Variants in COL22A1 observed in about 807,000 individuals in gnomAD.
COL22A1 encodes the protein collagen type XXII alpha 1 chain.
COL22A1 carries 221 observed loss-of-function variants against 248.9 expected under a neutral mutation model. The observed-to-expected ratio is 0.89, with a 90% CI of 0.80 to 0.99. The LOEUF is 0.99. COL22A1 is among the 50% of genes least tolerant of loss of function. COL22A1 has a pLI of 0.00. For missense variants in COL22A1, 2,240 were observed against 2,179.0 expected, an observed-to-expected ratio of 1.03 and a Z score of -0.56; for synonymous variants, 891 against 793.4, an observed-to-expected ratio of 1.12 and a Z score of -2.07.
chr8:138,648,905 CT>C (rs1822443052), intron 46 of COL22A1, among the ~76,000 whole-genome samples: 1 of 152,198 alleles, frequency 6.6e-6, no homozygotes, highest in Non-Finnish European at 1.5e-5. Flanking sequence ...CTGTAATGGA[CT>C]TTATCTGCTT....
At chr8:138,632,599 C>G (rs898640511) in intron 49 of COL22A1, among the ~76,000 whole-genome samples, 1 of 152,130 alleles carries the variant, frequency 6.6e-6, no homozygotes. Context: ...GTACTAGGTA[C>G]AAGCCAAATT....
At chr8:138,680,851 G>A (rs1825905628) in intron 39 of COL22A1, among the ~76,000 whole-genome samples, 1 of 152,212 alleles carries the variant, frequency 6.6e-6, no homozygotes, top group Non-Finnish European at 1.5e-5. Flanking sequence ...CACTGGAATG[G>A]GTCATGTGTT....
intron 14 of COL22A1, among the ~76,000 whole-genome samples, 153 bp from the exon 15 acceptor site, chr8:138,778,559 C>A (rs935546299): frequency 6.6e-6 from 1 of 152,238 alleles, no homozygotes; most frequent in Admixed American, 6.5e-5. Context: ...GTCTCGCCAG[C>A]AGACACTCCC....
chr8:138,898,280 TC>T (rs1342233671), intron 1 of COL22A1, among the ~76,000 whole-genome samples: 1 of 152,166 alleles, frequency 6.6e-6, no homozygotes, highest in African/African-American at 2.4e-5. Context: ...CCTTGCACCA[TC>T]CCAGTATTGT....
intron 47 of COL22A1, among the ~76,000 whole-genome samples, chr8:138,644,884 T>A (rs1169060500): frequency 1.3e-5 from 2 of 152,176 alleles, no homozygotes; most frequent in East Asian, 3.9e-4. Context: ...CTTCCCAGCC[T>A]GTGGGACGGA....
At chr8:138,638,250 T>A (rs995649949) in intron 47 of COL22A1, among the ~76,000 whole-genome samples, 6 of 152,234 alleles carry the variant, frequency 3.9e-5, no homozygotes, top group African/African-American at 1.4e-4. Context: ...AACAAAAACA[T>A]TTCAATTCCT....
intron 52 of COL22A1, among the ~76,000 whole-genome samples, chr8:138,623,306 A>AATG (rs1819977351): frequency 2.1e-5 from 3 of 145,866 alleles, no homozygotes; most frequent in Admixed American, 6.9e-5. Flanking sequence ...GTAATCCCAC[A>AATG]ATGTCTGGAG....
chr8:138,663,560 A>G, intron 42 of COL22A1, 145 bp downstream of exon 42: 1 of 678,192 alleles, frequency 1.5e-6, no homozygotes. Flanking sequence ...GTCAGAGTTC[A>G]TAGGTTGGAC....
At chr8:138,720,919 T>C (rs1336340110) in intron 26 of COL22A1, 127 bp from the exon 27 acceptor site, 1 of 764,134 alleles carries the variant, frequency 1.3e-6, no homozygotes, top group Admixed American at 1.9e-5. Flanking sequence ...CTGCTTCAAC[T>C]CTGCGATTAC....
rs79012533 is a variant in COL22A1, at chr8:138,808,789, T to C, written c.1450-977A>G. On this transcript the variant is annotated intron_variant, in intron 9 of 64. Transcript: ENST00000303045. ...TCCGGAACACACATTTTTAAATGCA[T>C]TCACAGATGTCATTTGCTCAGGCAA... 8.1e-4 allele frequency among the ~76,000 whole-genome samples: 123 copies of C among 152,366 alleles called. 1 individual carries two copies. Among genetic ancestry groups the C allele is most frequent in the Admixed American group, 1.4e-3 (22 of 15,306 alleles).
At chr8:138,755,080 G>A in intron 21 of COL22A1, 77 bp downstream of exon 21, 1 of 1,428,868 alleles carries the variant, frequency 7.0e-7, no homozygotes, top group Non-Finnish European at 9.8e-7. Context: ...TCAGCGCCGG[G>A]AATGACTCTG....
intron 32 of COL22A1, among the ~76,000 whole-genome samples, chr8:138,697,284 T>A (rs796459435): frequency 3.3e-5 from 5 of 152,336 alleles, no homozygotes; most frequent in African/African-American, 1.2e-4. Flanking sequence ...GGACTCATGA[T>A]CATCTCTGCA....
intron 3 of COL22A1, among the ~76,000 whole-genome samples, chr8:138,865,764 T>A (rs532783477): frequency 6.6e-6 from 1 of 151,010 alleles, no homozygotes; most frequent in South Asian, 2.1e-4. Flanking sequence ...TATGTATGTT[T>A]GTATGCCTCT....
intron 61 of COL22A1, among the ~76,000 whole-genome samples, chr8:138,597,787 G>A (rs538287648): frequency 2.6e-5 from 4 of 152,240 alleles, no homozygotes; most frequent in East Asian, 3.9e-4. Context: ...TCTCATCACC[G>A]CCCATAGCAG....
At chr8:138,760,790 C>T (rs1453745693) in intron 17 of COL22A1, among the ~76,000 whole-genome samples, 1 of 152,150 alleles carries the variant, frequency 6.6e-6, no homozygotes, top group African/African-American at 2.4e-5. Flanking sequence ...ATGCTGAAGA[C>T]TTGTCCCTCC....
At chr8:138,771,847 G>A (rs1025739493) in intron 16 of COL22A1, among the ~76,000 whole-genome samples, 6 of 152,188 alleles carry the variant, frequency 3.9e-5, no homozygotes, top group Non-Finnish European at 5.9e-5. Context: ...GCCCCCCGGG[G>A]CCTGCGGAGA....
intron 4 of COL22A1, among the ~76,000 whole-genome samples, chr8:138,837,712 G>C (rs965645375): frequency 6.6e-6 from 1 of 152,186 alleles, no homozygotes; most frequent in African/African-American, 2.4e-5. Flanking sequence ...GCCTCTGAAT[G>C]GGGGAGCTTG....
chr8:138,779,687 G>GCCA, intron 13 of COL22A1, 125 bp from the exon 14 acceptor site: 1 of 662,374 alleles, frequency 1.5e-6, no homozygotes, highest in Non-Finnish European at 2.8e-6. Flanking sequence ...AAACAAGGTA[G>GCCA]CCACCAGTGA....
Position 138,693,685 on chromosome 8 carries a change from C to G in COL22A1, c.2715G>C (p.Gln905His). ...GPTGPPGAKG[Q>H]EGAHGAPGAA... ...CTCCAGGAGCCCCATGTGCACCTTC[C>G]TGTCCCTTGGCACCCTGCACAGGAA... is the stretch of plus-strand genomic sequence containing the variant. The change falls in exon 35 of 65, where the codon CAG (glutamine) becomes CAC (histidine). Residue 905 changes from glutamine (Q) to histidine (H), a missense_variant. Gln to His is a conservative substitution (Grantham distance 24). Coordinates refer to ENST00000303045, the MANE Select transcript of COL22A1 (RefSeq NM_152888.3). 2 of 1,580,010 alleles carry G rather than the reference C, an allele frequency of 1.3e-6. No homozygotes were observed. Among genetic ancestry groups the G allele is most frequent in the South Asian group, 2.3e-5 (2 of 86,102 alleles).
Sources: gnomAD v4.1 joint callset for allele counts (sites outside exome capture counted in the v4.1 genomes callset) on GRCh38, gnomAD v4.1.1 for gene constraint, MANE v1.5 for transcripts, NCBI Gene and HGNC (gene_info 2026-07-23, HGNC 2026-07-21) for gene names.